The following SPOPL variants were observed in gnomAD, a reference collection of about 807,000 sequenced individuals.
SPOPL encodes speckle-type POZ protein-like.
Under a neutral mutation model 53.8 loss-of-function variants are expected in SPOPL, and 23 were observed. That is an observed-to-expected ratio of 0.43 (90% CI 0.31 to 0.61). The LOEUF (loss-of-function observed/expected upper bound fraction) is 0.61, where lower values mean the gene tolerates loss of function less well. Ranked by LOEUF, SPOPL falls within the 20% of genes least tolerant of loss-of-function variation. SPOPL has a pLI of 0.12. For missense variants in SPOPL, 442 were observed against 466.9 expected, an observed-to-expected ratio of 0.95 and a Z score of 0.49; for synonymous variants, 164 against 149.7, an observed-to-expected ratio of 1.10 and a Z score of -0.70.
rs185883839 is a variant in SPOPL, at chr2:138,515,684, T to C, written c.-61+13565T>C. Reference sequence around the variant, plus strand: ...CATTGTAGATTATGTTAGAATCATATGTAGAGAAGTGTCATTCCTGTACCT... The same window carrying C: ...CATTGTAGATTATGTTAGAATCATACGTAGAGAAGTGTCATTCCTGTACCT... On this transcript the variant is annotated intron_variant, in intron 1 of 10. Coordinates refer to ENST00000280098, the MANE Select transcript of SPOPL (RefSeq NM_001001664.3). 5.5e-3 allele frequency among the ~76,000 whole-genome samples: 834 copies of C among 152,358 alleles called. 8 individuals are homozygous for C. Among genetic ancestry groups the C allele is most frequent in the African/African-American group, 0.019 (803 of 41,580 alleles).
At chr2:138,515,750 C>T (rs898733044) in intron 1 of SPOPL, among the ~76,000 whole-genome samples, 2 of 152,082 alleles carry the variant, frequency 1.3e-5, no homozygotes, top group African/African-American at 2.4e-5. Context: ...TTAAGATATG[C>T]ACATCGACTC....
At chr2:138,520,464 G>T (rs1245569100) in intron 1 of SPOPL, among the ~76,000 whole-genome samples, 2 of 152,166 alleles carry the variant, frequency 1.3e-5, no homozygotes, top group African/African-American at 2.4e-5. Flanking sequence ...TTTGGTTTCA[G>T]CTATTTGTAA....
rs368224782 is a variant in SPOPL, at chr2:138,563,017, A to G, written c.838-1691A>G. On this transcript the variant is annotated intron_variant, in intron 8 of 10. Transcript: ENST00000280098. Reference sequence around the variant, plus strand: ...GATTAGCCACAAACTGGGAGAAAATATTTGCACAGCAGATATCTAATGAAC... The same window carrying G: ...GATTAGCCACAAACTGGGAGAAAATGTTTGCACAGCAGATATCTAATGAAC... Among the ~76,000 whole-genome samples the G allele has an allele frequency of 4.6e-5, 7 of 152,266 alleles. No individual in the cohort carries two copies. The South Asian group carries it at 1.4e-3, about 32-fold the overall frequency.
chr2:138,551,873 G>A (rs2104893047), intron 4 of SPOPL, among the ~76,000 whole-genome samples: 1 of 151,970 alleles, frequency 6.6e-6, no homozygotes, highest in Non-Finnish European at 1.5e-5. Context: ...GTATATAGTT[G>A]TTATAGACTA....
intron 1 of SPOPL, among the ~76,000 whole-genome samples, chr2:138,539,450 T>C (rs1685015994): frequency 6.6e-6 from 1 of 152,010 alleles, no homozygotes; most frequent in East Asian, 1.9e-4. Context: ...TTCTAACTGG[T>C]GTGAGATGGT....
At chr2:138,539,211 T>C (rs1685007412) in intron 1 of SPOPL, among the ~76,000 whole-genome samples, 2 of 152,290 alleles carry the variant, frequency 1.3e-5, no homozygotes, top group African/African-American at 2.4e-5. Context: ...AATAAACATA[T>C]GTGTGCATGT....
intron 1 of SPOPL, among the ~76,000 whole-genome samples, chr2:138,541,638 T>G (rs1307683937): frequency 4.6e-5 from 7 of 152,182 alleles, no homozygotes; most frequent in Admixed American, 2.6e-4. Context: ...TCTTCTTTAT[T>G]AGTCTTGCTA....
chr2:138,514,173 C>A (rs1056943158), intron 1 of SPOPL, among the ~76,000 whole-genome samples: 1 of 152,036 alleles, frequency 6.6e-6, no homozygotes, highest in Non-Finnish European at 1.5e-5. Flanking sequence ...GGGTAACAGC[C>A]TCAGGAGGTC....
rs567496657 is a variant in SPOPL, at chr2:138,541,240, G to A, written c.-60-8917G>A. On this transcript the variant is annotated intron_variant, in intron 1 of 10. Transcript: ENST00000280098. ...GTGTCTCTGCCAGGCTTTGGTATCA[G>A]GATGATGCTGGCCTCATAAAATGAG... is the stretch of plus-strand genomic sequence containing the variant. Among the ~76,000 whole-genome samples the A allele has an allele frequency of 6.1e-3, 929 of 152,250 alleles. 13 individuals are homozygous for A. Among genetic ancestry groups the A allele is most frequent in the Non-Finnish European group, 6.6e-3 (452 of 68,008 alleles).
At chr2:138,516,700 A>C (rs1684444973) in intron 1 of SPOPL, among the ~76,000 whole-genome samples, 1 of 152,196 alleles carries the variant, frequency 6.6e-6, no homozygotes, top group Admixed American at 6.5e-5. Flanking sequence ...AGAGGGGAAG[A>C]GGGTATAGCA....
intron 1 of SPOPL, among the ~76,000 whole-genome samples, chr2:138,502,925 C>T (rs963465823): frequency 2.6e-5 from 4 of 152,200 alleles, no homozygotes; most frequent in Non-Finnish European, 5.9e-5. Context: ...TTTCGCTTGT[C>T]TCTTTCCTGA....
chr2:138,562,254 C>G lies in SPOPL; in HGVS notation c.837+1327C>G, dbSNP rs373927638. 6.1e-4 allele frequency among the ~76,000 whole-genome samples: 93 copies of G among 151,346 alleles called. 2 individuals are homozygous for G. The South Asian group carries it at 0.019, about 31-fold the overall frequency. ...AAAAGAATAAAGTAGAGGACTAACA[C>G]TACTTGATATCATGACTTACTATAA... On this transcript the variant is annotated intron_variant, in intron 8 of 10. Coordinates refer to ENST00000280098, the MANE Select transcript of SPOPL (RefSeq NM_001001664.3).
At chr2:138,556,849 C>T (rs1376562259) in intron 5 of SPOPL, among the ~76,000 whole-genome samples, 3 of 151,926 alleles carry the variant, frequency 2.0e-5, no homozygotes, top group African/African-American at 4.8e-5. Flanking sequence ...AAATATTGTA[C>T]GAAGAGCCGT....
At chr2:138,534,741 A>G (rs1316773357) in intron 1 of SPOPL, among the ~76,000 whole-genome samples, 1 of 152,142 alleles carries the variant, frequency 6.6e-6, no homozygotes, top group Admixed American at 6.6e-5. Context: ...CCCAGAGGAA[A>G]CTCCATAACC....
At chr2:138,547,017 G>A (rs1352615154) in intron 1 of SPOPL, among the ~76,000 whole-genome samples, 1 of 152,046 alleles carries the variant, frequency 6.6e-6, no homozygotes, top group Non-Finnish European at 1.5e-5. Context: ...CCAGGCTGGA[G>A]TGCAGTGGTG....
In SPOPL at chr2:138,560,809, G is replaced by A. The variant is rs759036296; in HGVS notation, c.719G>A (p.Arg240Gln). Reference protein sequence around the residue: ...EHEMEESKKNRVEINDLDPEV... With the variant: ...EHEMEESKKNQVEINDLDPEV... Reference sequence around the variant, plus strand: ...TGTGTTGTTTTTCGATATCAGAATCGAGTGGAAATAAATGATTTAGACCCT... The same window carrying A: ...TGTGTTGTTTTTCGATATCAGAATCAAGTGGAAATAAATGATTTAGACCCT... The change falls in exon 8 of 11, where the codon CGA becomes CAA. Residue 240 changes from arginine to glutamine, a missense_variant. Coordinates refer to ENST00000280098, the MANE Select transcript of SPOPL (RefSeq NM_001001664.3). The A allele has an allele frequency of 7.7e-5, 121 of 1,575,148 alleles. No homozygotes were observed. Among genetic ancestry groups the A allele is most frequent in the South Asian group, 4.7e-4 (39 of 83,492 alleles).
intron 5 of SPOPL, among the ~76,000 whole-genome samples, chr2:138,555,295 A>G (rs1685400884): frequency 6.6e-6 from 1 of 152,158 alleles, no homozygotes; most frequent in African/African-American, 2.4e-5. Context: ...TGCATTGGGT[A>G]TTAAATTTCC....
intron 1 of SPOPL, among the ~76,000 whole-genome samples, chr2:138,519,145 T>C (rs1684505099): frequency 6.6e-6 from 1 of 152,212 alleles, no homozygotes; most frequent in Admixed American, 6.5e-5. Flanking sequence ...TGTGATGGTG[T>C]TCTCTGGATC....
Position 138,568,984 on chromosome 2 carries a change from G to A in SPOPL, c.1083G>A (p.Gln361=), listed in dbSNP as rs143304264. The part of the protein sequence containing the change: ...METSGWKSMI[Q]SHPHLVAEAF... ...CATCAGGGTGGAAGTCCATGATTCA[G>A]TCTCACCCTCATTTAGTAGCAGAAG... is the stretch of plus-strand genomic sequence containing the variant. Residue 361 remains glutamine, a synonymous_variant, in exon 11 of 11, where the codon CAG becomes CAA. Transcript: ENST00000280098. 4.0e-5 allele frequency: 64 copies of A among 1,613,934 alleles called. No homozygotes were observed. The highest frequency in any genetic ancestry group is 5.3e-5 in the Non-Finnish European group (63 of 1,179,932).
Sources: gnomAD v4.1 joint callset for allele counts (sites outside exome capture counted in the v4.1 genomes callset) on GRCh38, gnomAD v4.1.1 for gene constraint, MANE v1.5 for transcripts, NCBI Gene and HGNC (gene_info 2026-07-23, HGNC 2026-07-21) for gene names.